The following NDST4 variants were observed in gnomAD, a reference collection of about 807,000 sequenced individuals.
NDST4 encodes N-deacetylase and N-sulfotransferase 4, also known as N-heparan sulfate sulfotransferase 4.
Under a neutral mutation model 100.8 loss-of-function variants are expected in NDST4, and 63 were observed. The ratio of observed to expected loss-of-function variants is 0.62; its 90% CI spans 0.51 to 0.77. NDST4 has a LOEUF of 0.77. Among genes scored for constraint, NDST4 ranks in the 30% least tolerant of loss-of-function variants. NDST4 has a pLI of 0.00. For missense variants in NDST4, 943 were observed against 1,018.4 expected, an observed-to-expected ratio of 0.93 and a Z score of 1.01; for synonymous variants, 377 against 361.8, an observed-to-expected ratio of 1.04 and a Z score of -0.48.
chr4:115,052,765 C>T (rs1303306856), intron 2 of NDST4, among the ~76,000 whole-genome samples: 2 of 152,124 alleles, frequency 1.3e-5, no homozygotes, highest in African/African-American at 2.4e-5. Context: ...ATACAACTCA[C>T]TCCTTCATTC....
chr4:115,047,098 G>A (rs986841185), intron 2 of NDST4, among the ~76,000 whole-genome samples: 3 of 151,882 alleles, frequency 2.0e-5, no homozygotes, highest in Admixed American at 6.6e-5. Flanking sequence ...AAAAAAATAC[G>A]ATTTTGTTTC....
At chr4:115,022,987 C>G (rs1426416473) in intron 2 of NDST4, among the ~76,000 whole-genome samples, 1 of 152,054 alleles carries the variant, frequency 6.6e-6, no homozygotes, top group Non-Finnish European at 1.5e-5. Context: ...TGAAAACAGA[C>G]TGATACGCCA....
intron 2 of NDST4, among the ~76,000 whole-genome samples, chr4:115,024,890 C>T (rs1727947117): frequency 6.6e-6 from 1 of 152,190 alleles, no homozygotes; most frequent in African/African-American, 2.4e-5. Context: ...GTTTTTCTCT[C>T]ATGAATGGAT....
At chr4:115,061,415 C>T (rs1335607537) in intron 2 of NDST4, among the ~76,000 whole-genome samples, 1 of 152,088 alleles carries the variant, frequency 6.6e-6, no homozygotes, top group Non-Finnish European at 1.5e-5. Flanking sequence ...AAATGTGGCA[C>T]ATATACACCA....
intron 2 of NDST4, among the ~76,000 whole-genome samples, chr4:114,988,352 CTTTT>C (rs991019823): frequency 1.6e-5 from 1 of 64,194 alleles, no homozygotes. Context: ...ATACACATAT[CTTTT>C]TTTTTTTTTT....
intron 8 of NDST4, among the ~76,000 whole-genome samples, chr4:114,849,787 A>G (rs904848374): frequency 6.6e-6 from 1 of 152,264 alleles, no homozygotes; most frequent in African/African-American, 2.4e-5. Context: ...GATTAAAAGA[A>G]TGAAGGAGAC....
At chr4:114,841,856 A>G (rs1229564592) in intron 10 of NDST4, among the ~76,000 whole-genome samples, 1 of 151,948 alleles carries the variant, frequency 6.6e-6, no homozygotes, top group African/African-American at 2.4e-5. Context: ...TTTTTTTTGG[A>G]TCCCAACTAC....
chr4:114,833,773 A>T (rs1723253511), intron 11 of NDST4, 58 bp from the exon 12 acceptor site: 3 of 1,081,446 alleles, frequency 2.8e-6, no homozygotes, highest in Non-Finnish European at 4.2e-6. Flanking sequence ...ATAGACTGTG[A>T]TGCCTTCCTT....
intron 4 of NDST4, among the ~76,000 whole-genome samples, chr4:114,957,489 T>C (rs1489557111): frequency 6.6e-6 from 1 of 152,178 alleles, no homozygotes; most frequent in Non-Finnish European, 1.5e-5. Context: ...GTGGGCATTA[T>C]TGAAAATGAG....
At chr4:114,924,904 A>T (rs180816510) in intron 6 of NDST4, among the ~76,000 whole-genome samples, 1 of 152,290 alleles carries the variant, frequency 6.6e-6, no homozygotes, top group African/African-American at 2.4e-5. Context: ...AATTACATTG[A>T]CTTAATCTTT....
intron 6 of NDST4, among the ~76,000 whole-genome samples, chr4:114,916,370 T>C (rs1372095406): frequency 6.6e-6 from 1 of 152,158 alleles, no homozygotes; most frequent in Admixed American, 6.6e-5. Context: ...GTCACCCTTA[T>C]CTCTATCTCC....
chr4:114,830,232 T>C (rs1452439350), intron 12 of NDST4, among the ~76,000 whole-genome samples: 1 of 152,178 alleles, frequency 6.6e-6, no homozygotes, highest in Non-Finnish European at 1.5e-5. Flanking sequence ...AAAGGAACTT[T>C]AGGATACTTT....
intron 1 of NDST4, among the ~76,000 whole-genome samples, chr4:115,091,700 T>C (rs991883902): frequency 3.3e-5 from 5 of 152,146 alleles, no homozygotes; most frequent in African/African-American, 1.2e-4. Flanking sequence ...GCAGTTGTTT[T>C]GTAGCTAATT....
chr4:115,092,384 G>T (rs1469383184), intron 1 of NDST4, among the ~76,000 whole-genome samples: 2 of 152,036 alleles, frequency 1.3e-5, no homozygotes, highest in Non-Finnish European at 2.9e-5. Flanking sequence ...TGTAAATGAG[G>T]GGGAAACTCA....
chr4:114,996,288 C>A (rs538513291), intron 2 of NDST4, among the ~76,000 whole-genome samples: 2 of 152,146 alleles, frequency 1.3e-5, no homozygotes, highest in South Asian at 4.1e-4. Flanking sequence ...TTCTCTTTCC[C>A]GCTGCCCCTG....
At chr4:115,112,630 TA>T (rs1288062054) in intron 1 of NDST4, among the ~76,000 whole-genome samples, 2 of 151,934 alleles carry the variant, frequency 1.3e-5, no homozygotes, top group African/African-American at 4.8e-5. Context: ...AGTATTTTAT[TA>T]ATCAGGACAA....
chr4:115,110,314 A>C (rs762600088), intron 1 of NDST4, among the ~76,000 whole-genome samples: 1 of 147,468 alleles, frequency 6.8e-6, no homozygotes, highest in Non-Finnish European at 1.5e-5. Context: ...AGTGTTAAAG[A>C]AAAGGCTGGC....
intron 1 of NDST4, among the ~76,000 whole-genome samples, chr4:115,111,576 T>G (rs920284478): frequency 1.3e-5 from 2 of 151,704 alleles, no homozygotes; most frequent in Admixed American, 1.3e-4. Context: ...GCATTTTTAT[T>G]TATTATTTAT....
chr4:115,111,527 C>A (rs1729951555), intron 1 of NDST4, among the ~76,000 whole-genome samples: 1 of 151,100 alleles, frequency 6.6e-6, no homozygotes, highest in South Asian at 2.1e-4. Context: ...AAATAATAAG[C>A]CTATCTTGGA....
Sources: allele counts gnomAD v4.1 joint callset (sites outside exome capture counted in the v4.1 genomes callset), GRCh38; gene constraint gnomAD v4.1.1; transcripts MANE v1.5; gene names NCBI Gene and HGNC (gene_info 2026-07-23, HGNC 2026-07-21).